The following NLRP5 variants were observed in gnomAD, a reference collection of about 807,000 sequenced individuals.
NLRP5 encodes NLR family pyrin domain containing 5.
NLRP5 carries 93 observed loss-of-function variants against 113.1 expected under a neutral mutation model. The ratio of observed to expected loss-of-function variants is 0.82; its 90% CI spans 0.70 to 0.98. The LOEUF is 0.98. Ranked by LOEUF, NLRP5 falls within the 50% of genes least tolerant of loss-of-function variation. NLRP5 has a pLI of 0.00. For missense variants in NLRP5, 1,808 were observed against 1,514.3 expected (o/e 1.19, Z -3.22); for synonymous variants, 751 against 600.7 (o/e 1.25, Z -3.66).
chr19:56,018,001 A>G (rs148670307), intron 4 of NLRP5, among the ~76,000 whole-genome samples: 4 of 152,318 alleles, frequency 2.6e-5, no homozygotes, highest in African/African-American at 7.2e-5. Flanking sequence ...AGAAGATCAT[A>G]TGGTCTCTAC....
At chr19:56,060,230 C>T (rs1482212065) in intron 14 of NLRP5, among the ~76,000 whole-genome samples, 1 of 152,136 alleles carries the variant, frequency 6.6e-6, no homozygotes, top group Admixed American at 6.6e-5. Flanking sequence ...TACTGATTGA[C>T]CTATTATGGG....
At chr19:56,037,954 G>C (rs1374025759) in intron 9 of NLRP5, 71 bp from the exon 10 acceptor site, 1 of 1,521,144 alleles carries the variant, frequency 6.6e-7, no homozygotes, top group African/African-American at 1.4e-5. Flanking sequence ...CTGCTGGCGT[G>C]TGCTGAGTAG....
chr19:56,038,228 G>T, intron 10 of NLRP5, 33 bp downstream of exon 10: 1 of 1,572,700 alleles, frequency 6.4e-7, no homozygotes, highest in Non-Finnish European at 8.7e-7. Flanking sequence ...CAGGATTATC[G>T]TAACTTCCAC....
At chr19:56,005,191 T>A (rs1262109403) in intron 2 of NLRP5, among the ~76,000 whole-genome samples, 1 of 136,748 alleles carries the variant, frequency 7.3e-6, no homozygotes, top group South Asian at 2.3e-4. Flanking sequence ...ACACACATAT[T>A]TTTATATACA....
chr19:56,054,136 C>CT (rs1226301895), intron 13 of NLRP5, among the ~76,000 whole-genome samples: 2 of 152,138 alleles, frequency 1.3e-5, no homozygotes, highest in African/African-American at 4.8e-5. Flanking sequence ...TGTGAACAGT[C>CT]TAGAGACAAA....
At chr19:56,003,602 G>A in intron 1 of NLRP5, 134 bp from the exon 2 acceptor site, 2 of 1,057,272 alleles carry the variant, frequency 1.9e-6, no homozygotes, top group South Asian at 3.2e-5. Context: ...AACAGATATT[G>A]TGGCAACAAA....
Position 56,027,607 on chromosome 19 carries a change from C to T in NLRP5, c.1374C>T (p.Ile458=). 6.2e-7 allele frequency: 1 copy of T among 1,613,866 alleles called. No homozygotes were observed. Among genetic ancestry groups the T allele is most frequent in the Non-Finnish European group, 8.5e-7 (1 of 1,179,902 alleles). Residue 458 remains isoleucine (I), a synonymous_variant, in exon 7 of 15, where the codon ATC becomes ATT. Coordinates refer to ENST00000390649, the MANE Select transcript of NLRP5 (RefSeq NM_153447.4). Reference sequence around the variant, plus strand: ...AGAAGACACAAGGGTTGCGTGCGATCATGAACAACCGTGAGCTGCTCGACC... The same window carrying T: ...AGAAGACACAAGGGTTGCGTGCGATTATGAACAACCGTGAGCTGCTCGACC...
chr19:56,028,593 C>A lies in NLRP5; in HGVS notation c.2276+84C>A, dbSNP rs751263587. On this transcript the variant is annotated intron_variant, in intron 7 of 14. Transcript: ENST00000390649. ...TGGGACTTGACATGACTTCCAGGAA[C>A]TTCAAGGTCCCAGAGAATTCTTTCA... 7.0e-6 allele frequency: 9 copies of A among 1,285,814 alleles called. No homozygotes were observed. In the Admixed American group the frequency reaches 8.5e-5, roughly 12 times the overall value. The allele number at this position is 1,285,814 out of a possible 1,614,324, so 79.7% of individuals were successfully genotyped here.
intron 4 of NLRP5, among the ~76,000 whole-genome samples, chr19:56,017,381 TTA>T (rs896670149): frequency 7.3e-4 from 64 of 87,990 alleles, no homozygotes; most frequent in African/African-American, 2.8e-3. Context: ...AGGTGGGAAG[TTA>T]TATTATATTT....
rs146836460 is a variant in NLRP5, at chr19:56,039,839, G to A, written c.2787-1083G>A. On this transcript the variant is annotated intron_variant, in intron 10 of 14. Transcript: ENST00000390649. ...TGAGGCAGGAGACTCACTTAAACCC[G>A]GGAGGCGTAGGTTGTGGTGAGCCAA... Among the ~76,000 whole-genome samples the A allele has an allele frequency of 6.6e-4, 101 of 152,178 alleles. No individual in the cohort carries two copies. The East Asian group carries it at 0.011, about 17-fold the overall frequency.
intron 12 of NLRP5, among the ~76,000 whole-genome samples, chr19:56,052,284 T>C (rs186089363): frequency 2.4e-4 from 36 of 152,270 alleles, no homozygotes; most frequent in African/African-American, 7.9e-4. Flanking sequence ...TGTTTTTGTT[T>C]TGAGACAGAG....
intron 10 of NLRP5, among the ~76,000 whole-genome samples, chr19:56,039,084 C>T (rs529490624): frequency 1.3e-5 from 2 of 152,296 alleles, no homozygotes; most frequent in South Asian, 4.1e-4. Context: ...GCGCTAAAAT[C>T]CCTCCAACCC....
chr19:56,036,497 G>A (rs1310733462), intron 9 of NLRP5, among the ~76,000 whole-genome samples: 3 of 152,302 alleles, frequency 2.0e-5, no homozygotes, highest in East Asian at 3.9e-4. Context: ...TCTGCGTGTA[G>A]TACTACGACA....
At position 56,054,586 on chromosome 19, in the gene NLRP5, G is replaced by A. The variant is rs73054113; in HGVS notation, c.3299+778G>A. On this transcript the variant is annotated intron_variant, in intron 13 of 14. Transcript: ENST00000390649. ...AAAAGTGAAAAAAAAAAAAAAAAAC[G>A]TGCTGATACGTTCCACCACATGGAT... 8.2e-3 allele frequency among the ~76,000 whole-genome samples: 1,200 copies of A among 146,254 alleles called. 10 individuals carry two copies. Among genetic ancestry groups the A allele is most frequent in the Middle Eastern group, 0.026 (7 of 272 alleles).
chr19:56,021,089 C>A (rs994513002), intron 6 of NLRP5, among the ~76,000 whole-genome samples: 1 of 152,024 alleles, frequency 6.6e-6, no homozygotes. Context: ...CCAGGTCGGT[C>A]TCGCACTCCT....
intron 11 of NLRP5, among the ~76,000 whole-genome samples, chr19:56,047,841 C>A (rs146453711): frequency 1.2e-3 from 178 of 152,260 alleles, no homozygotes; most frequent in African/African-American, 4.1e-3. Context: ...CCCAGTATTA[C>A]TGTGTTGCTA....
At chr19:56,008,465 C>T (rs1415724017) in intron 2 of NLRP5, among the ~76,000 whole-genome samples, 1 of 152,066 alleles carries the variant, frequency 6.6e-6, no homozygotes, top group South Asian at 2.1e-4. Context: ...CTAACTGGGT[C>T]TGGAGTTCAA....
In NLRP5 at chr19:56,019,966, A is replaced by G. The variant is rs535922349; in HGVS notation, c.623-409A>G. On this transcript the variant is annotated intron_variant, in intron 5 of 14. Transcript: ENST00000390649. ...ATTCTTCTGTCTCAGCCTCCCGAGT[A>G]GCTGGGATTACAGGCACCTGCCACT... 2.6e-5 allele frequency among the ~76,000 whole-genome samples: 4 copies of G among 151,600 alleles called. No homozygotes were observed. In the South Asian group the frequency reaches 8.3e-4, roughly 32 times the overall value.
the NLRP5 span, among the ~76,000 whole-genome samples, chr19:55,992,024 C>A: frequency 1.3e-5 from 2 of 152,104 alleles, no homozygotes; most frequent in Non-Finnish European, 2.9e-5. Flanking sequence ...CCTCCTCCCA[C>A]CCTCCACCCT....
Sources: allele counts gnomAD v4.1 joint callset (sites outside exome capture counted in the v4.1 genomes callset), GRCh38; gene constraint gnomAD v4.1.1; transcripts MANE v1.5; gene names NCBI Gene and HGNC (gene_info 2026-07-23, HGNC 2026-07-21).